The following MYO1F variants were observed in gnomAD, a reference collection of about 807,000 sequenced individuals.
MYO1F encodes the protein unconventional myosin-If.
A neutral mutation model predicts 146.6 loss-of-function variants in MYO1F; 60 were observed. The observed-to-expected ratio is 0.41, with a 90% CI of 0.33 to 0.51. The LOEUF (loss-of-function observed/expected upper bound fraction) is 0.51. MYO1F is among the 20% of genes least tolerant of loss of function. The pLI is 0.25. For synonymous variants in MYO1F, 602 were observed against 602.1 expected, an observed-to-expected ratio of 1.00 and a Z score of 0.00; for missense variants, 1,274 against 1,534.3, an observed-to-expected ratio of 0.83 and a Z score of 2.83.
chr19:8,554,616 G>A, intron 3 of MYO1F, 38 bp downstream of exon 3: 1 of 1,612,302 alleles, frequency 6.2e-7, no homozygotes, highest in Non-Finnish European at 8.5e-7. Context: ...GGGGCCAGGA[G>A]TCTGGGGGCT....
At chr19:8,539,358 G>A (rs964680130) in intron 16 of MYO1F, among the ~76,000 whole-genome samples, 1 of 151,974 alleles carries the variant, frequency 6.6e-6, no homozygotes, top group East Asian at 1.9e-4. Flanking sequence ...AGGTTGTGGT[G>A]AGCCGAGATC....
At chr19:8,560,356 G>A (rs546229539) in intron 1 of MYO1F, among the ~76,000 whole-genome samples, 4 of 150,138 alleles carry the variant, frequency 2.7e-5, no homozygotes, top group East Asian at 2.0e-4. Context: ...GTGGGGGTGC[G>A]CGCCTGTAAT....
chr19:8,550,617 C>T lies in MYO1F; in HGVS notation c.849G>A (p.Leu283=), dbSNP rs752592442. The T allele has an allele frequency of 2.5e-6, 4 of 1,614,152 alleles. No individual in the cohort carries two copies. The South Asian group carries it at 3.3e-5, about 13-fold the overall frequency. Residue 283 remains leucine (L), a synonymous_variant, in exon 9 of 28, where the codon CTG becomes CTA. Coordinates refer to ENST00000644032, the MANE Select transcript of MYO1F (RefSeq NM_012335.4). ...VLQLVAGILH[L]GNISFCEDGN... ...CGTCTTCACAGAAACTGATGTTCCC[C>T]AGGTGCAAGATCCCCGCCACGAGCT... is the stretch of plus-strand genomic sequence containing the variant.
At chr19:8,539,076 A>G (rs1972847487) in intron 16 of MYO1F, among the ~76,000 whole-genome samples, 1 of 151,932 alleles carries the variant, frequency 6.6e-6, no homozygotes, top group Non-Finnish European at 1.5e-5. Context: ...ACCTGGGGTC[A>G]GGAGACCAGC....
At chr19:8,560,941 A>G (rs1007429580) in intron 1 of MYO1F, among the ~76,000 whole-genome samples, 61 of 151,740 alleles carry the variant, frequency 4.0e-4, no homozygotes, top group Admixed American at 9.9e-4. Context: ...GTTTCACTGT[A>G]TTAGCCAGGA....
rs1419017110 is a variant in MYO1F at position 8,541,937 on chromosome 19, C to T, written c.1579G>A (p.Asp527Asn). Residue 527 changes from aspartate (D) to asparagine (N), a missense_variant, in exon 15 of 28, where the codon GAC (aspartate) becomes AAC (asparagine). By Grantham distance (23) the Asp-to-Asn change is conservative. Around this residue, in one of 2 missense-constraint regions of MYO1F, gnomAD observed 900 missense variants for 1,155.1 expected, o/e 0.78. Coordinates refer to ENST00000644032, the MANE Select transcript of MYO1F (RefSeq NM_012335.4). Reference sequence around the variant, plus strand: ...CTGGTCTGCATCAGCTCTATGAGGTCGGAGAAGAGAACGTCTCGGTTCCTC... The same window carrying T: ...CTGGTCTGCATCAGCTCTATGAGGTTGGAGAAGAGAACGTCTCGGTTCCTC... Reference protein sequence around the residue: ...CERNRDVLFSDLIELMQTSEQ... With the variant: ...CERNRDVLFSNLIELMQTSEQ... 6 of 1,613,350 alleles carry T rather than the reference C, an allele frequency of 3.7e-6. No individual in the cohort carries two copies. Among genetic ancestry groups the T allele is most frequent in the South Asian group, 1.1e-5 (1 of 91,076 alleles).
Position 8,530,632 on chromosome 19 carries a change from T to G in MYO1F, c.2044-59A>C. The G allele has an allele frequency of 1.5e-6, 2 of 1,368,606 alleles. No homozygotes were observed. Among genetic ancestry groups the G allele is most frequent in the Non-Finnish European group, 2.1e-6 (2 of 968,552 alleles). 84.8% of individuals were successfully genotyped at this position (1,368,606 alleles called of 1,614,324 possible). A position where few individuals can be genotyped will look rare whatever the true frequency, so the allele number is the denominator to read the frequency against. The stretch of plus-strand genomic sequence containing the variant: ...CTGGTGTCTCCCCAGGGGCTGCAGT[T>G]CCGGGTTTTCCCTGCGCTCACCCTA... On this transcript the variant is annotated intron_variant, in intron 19 of 27. Coordinates refer to ENST00000644032, the MANE Select transcript of MYO1F (RefSeq NM_012335.4). The surrounding 1 kb of genome is among the most constrained non-coding windows in gnomAD (Gnocchi z 5.8).
At position 8,526,441 on chromosome 19, in the gene MYO1F, G is replaced by T; in HGVS notation, c.2770+12C>A. The T allele has an allele frequency of 6.4e-7, 1 of 1,552,214 alleles. No homozygotes were observed. On this transcript the variant is annotated intron_variant, in intron 24 of 27. Transcript: ENST00000644032. ...GCCCCGCCCCCTCTGCCCTAGTTCCGCGCAGACTCACTGGAGCTCTTGGGC... is the reference window on the plus strand; with the variant it reads ...GCCCCGCCCCCTCTGCCCTAGTTCCTCGCAGACTCACTGGAGCTCTTGGGC...
chr19:8,531,416 A>G (rs1972483065), intron 19 of MYO1F, among the ~76,000 whole-genome samples: 1 of 152,208 alleles, frequency 6.6e-6, no homozygotes, highest in Non-Finnish European at 1.5e-5. Context: ...TGGTGCAGTC[A>G]TAGCTCACTG....
At chr19:8,528,574 A>G (rs1363724171) in intron 21 of MYO1F, among the ~76,000 whole-genome samples, 1 of 152,018 alleles carries the variant, frequency 6.6e-6, no homozygotes, top group African/African-American at 2.4e-5. Flanking sequence ...AAAAACAAAA[A>G]AGAAAAACAA....
intron 15 of MYO1F, among the ~76,000 whole-genome samples, chr19:8,541,419 G>GT (rs1200496185): frequency 3.0e-5 from 4 of 133,928 alleles, no homozygotes; most frequent in East Asian, 2.3e-4. Flanking sequence ...GTGTGTGTGT[G>GT]TGTGTGTTTT....
intron 1 of MYO1F, among the ~76,000 whole-genome samples, chr19:8,565,935 A>G (rs1336865415): frequency 6.6e-6 from 1 of 151,784 alleles, no homozygotes; most frequent in Non-Finnish European, 1.5e-5. Flanking sequence ...GCAAAAAAAA[A>G]TAAAAAATAA....
At chr19:8,575,998 C>G (rs564519823) in intron 1 of MYO1F, among the ~76,000 whole-genome samples, 33 of 152,214 alleles carry the variant, frequency 2.2e-4, no homozygotes, top group Non-Finnish European at 4.3e-4. Flanking sequence ...CCCAATTTCT[C>G]ATCAGCTTTC....
intron 19 of MYO1F, among the ~76,000 whole-genome samples, chr19:8,535,204 G>A (rs1042740301): frequency 2.6e-5 from 4 of 151,994 alleles, no homozygotes; most frequent in Non-Finnish European, 1.5e-5. Flanking sequence ...GAGCCAGTGC[G>A]CCTGGCCAGC....
At chr19:8,523,248 T>A (rs544632823) in intron 25 of MYO1F, among the ~76,000 whole-genome samples, 80 of 152,254 alleles carry the variant, frequency 5.3e-4, no homozygotes, top group African/African-American at 1.8e-3. Flanking sequence ...TTAGCCAGGA[T>A]GGTCTCGATC....
chr19:8,536,442 C>T (rs964640933), intron 18 of MYO1F, 46 bp from the exon 19 acceptor site: 1 of 1,608,442 alleles, frequency 6.2e-7, no homozygotes, highest in East Asian at 2.2e-5. Context: ...AGCAGACAGG[C>T]CTGGCTGGGC....
At chr19:8,555,956 C>T (rs1358405940) in intron 1 of MYO1F, among the ~76,000 whole-genome samples, 160 bp from the exon 2 acceptor site, 2 of 152,042 alleles carry the variant, frequency 1.3e-5, no homozygotes, top group South Asian at 4.2e-4. Context: ...AAGCCAGGCC[C>T]CCTGCCCCAG....
intron 14 of MYO1F, chr19:8,543,984 CTGGTGGTGGTGCTGGT>C (rs1973200722): frequency 4.0e-5 from 7 of 173,230 alleles, no homozygotes; most frequent in African/African-American, 1.0e-4. Flanking sequence ...GGTGCTGGTG[CTGGTGGTGGTGCTGGT>C]GGTGGCGGTG....
At position 8,543,720 on chromosome 19, in the gene MYO1F, GTGGTGC is replaced by G. The variant is rs1568348613; in HGVS notation, c.1524+571_1524+576del. Among the ~76,000 whole-genome samples, 29 of 11,720 alleles carry G rather than the reference GTGGTGC, an allele frequency of 2.5e-3. 2 individuals carry two copies. Among genetic ancestry groups the G allele is most frequent in the African/African-American group, 5.3e-3 (12 of 2,274 alleles). 7.7% of individuals were successfully genotyped at this position (11,720 alleles called of 152,430 possible). A position where few individuals can be genotyped will look rare whatever the true frequency, so the allele number is the denominator to read the frequency against. On this transcript the variant is annotated intron_variant, in intron 14 of 27. Transcript: ENST00000644032. ...GGTGGTGGTGGTGCTGGTGGTGGTG[GTGGTGC>G]TGGTGGTGCTGGTGGTGCTGGTGGT... is the stretch of plus-strand genomic sequence containing the variant.
Sources: gnomAD v4.1 joint callset for allele counts (sites outside exome capture counted in the v4.1 genomes callset) on GRCh38, gnomAD v4.1.1 for gene constraint, gnomAD v4.1.1 regional missense constraint, Gnocchi (gnomAD v3.1) non-coding constraint, MANE v1.5 for transcripts, NCBI Gene and HGNC (gene_info 2026-07-23, HGNC 2026-07-21) for gene names.